Variants in TRMT44 observed in about 807,000 individuals in gnomAD.
TRMT44 encodes the protein probable tRNA (uracil-O(2)-)-methyltransferase.
Under a neutral mutation model 77.3 loss-of-function variants are expected in TRMT44, and 78 were observed. The observed-to-expected ratio is 1.01, with a 90% confidence interval of 0.84 to 1.22. The LOEUF (loss-of-function observed/expected upper bound fraction) is 1.22, where lower values mean the gene tolerates loss of function less well. TRMT44 is among the 50% of genes most tolerant of loss of function. The probability of loss-of-function intolerance (pLI) is 0.00; values close to 1 mark genes in which losing one functional copy is unlikely to be tolerated. For missense variants in TRMT44, 1,090 were observed against 964.4 expected (o/e 1.13, Z -1.73); for synonymous variants, 391 against 383.3 (o/e 1.02, Z -0.23).
chr4:8,460,386 T>C (rs1286697835), intron 6 of TRMT44, among the ~76,000 whole-genome samples: 1 of 152,174 alleles, frequency 6.6e-6, no homozygotes, highest in Admixed American at 6.5e-5. Flanking sequence ...GGAATGTAGG[T>C]ACTCCATGCA....
At chr4:8,450,734 C>G (rs1343420138) in intron 3 of TRMT44, among the ~76,000 whole-genome samples, 5 of 150,396 alleles carry the variant, frequency 3.3e-5, no homozygotes, top group African/African-American at 1.2e-4. Flanking sequence ...ACTTACTATT[C>G]TTCCTAGTTC....
At chr4:8,455,460 C>T (rs1560226835) in intron 6 of TRMT44, among the ~76,000 whole-genome samples, 1 of 152,202 alleles carries the variant, frequency 6.6e-6, no homozygotes, top group East Asian at 1.9e-4. Flanking sequence ...TGTGCAGTCC[C>T]ACGTAATTTC....
At chr4:8,497,288 G>A (rs75962431), downstream of TRMT44, among the ~76,000 whole-genome samples, 8,517 of 152,268 alleles carry the variant, frequency 0.056, 407 homozygotes, top group African/African-American at 0.13. Context: ...GCAGCTGCAA[G>A]TCCACAAGCT....
downstream of TRMT44, among the ~76,000 whole-genome samples, chr4:8,495,680 G>A (rs1254203099): frequency 1.3e-5 from 2 of 152,186 alleles, no homozygotes; most frequent in Non-Finnish European, 2.9e-5. Context: ...GGCAGCACCC[G>A]TGTCTCAGCG....
At chr4:8,445,580 C>A (rs1038458888) in intron 1 of TRMT44, among the ~76,000 whole-genome samples, 3 of 152,252 alleles carry the variant, frequency 2.0e-5, no homozygotes, top group Non-Finnish European at 4.4e-5. Context: ...ATGGCACACT[C>A]CCTGACCTCC....
chr4:8,469,293 G>A (rs964157965), intron 9 of TRMT44, among the ~76,000 whole-genome samples: 1 of 152,158 alleles, frequency 6.6e-6, no homozygotes, highest in African/African-American at 2.4e-5. Context: ...TGATGGGGCC[G>A]ACTAGCTGCA....
At chr4:8,475,453 A>C (rs1332368423) in intron 10 of TRMT44, among the ~76,000 whole-genome samples, 2 of 152,168 alleles carry the variant, frequency 1.3e-5, no homozygotes, top group Non-Finnish European at 2.9e-5. Context: ...GAATGTGGCC[A>C]GTCCTGGTGC....
intron 10 of TRMT44, among the ~76,000 whole-genome samples, chr4:8,475,161 C>T (rs539829678): frequency 5.3e-4 from 80 of 152,336 alleles, no homozygotes; most frequent in African/African-American, 1.8e-3. Context: ...CAGAGGCTGC[C>T]CTGCACCAGC....
chr4:8,446,674 G>C lies in TRMT44; in HGVS notation c.734+84G>C. ...AGCCAAAGGATTCTGGGTTGCCAGG[G>C]CTTAAGGTCCTGTCTCTGAGGTGGT... On this transcript the variant is annotated intron_variant, in intron 2 of 10. Coordinates refer to ENST00000389737, the MANE Select transcript of TRMT44 (RefSeq NM_152544.3). This position sits in a 1 kb window ranked among gnomAD's most constrained non-coding sequence, Gnocchi z 4.3. 1 of 915,220 alleles carries C rather than the reference G, an allele frequency of 1.1e-6. No homozygotes were observed. The highest frequency in any genetic ancestry group is 1.6e-6 in the Non-Finnish European group (1 of 607,544). 56.7% of individuals were successfully genotyped at this position (915,220 alleles called of 1,614,324 possible).
chr4:8,504,974 G>T, the TRMT44 span, among the ~76,000 whole-genome samples: 1 of 152,082 alleles, frequency 6.6e-6, no homozygotes, highest in Non-Finnish European at 1.5e-5. The surrounding 1 kb of genome is among the most constrained non-coding windows in gnomAD (Gnocchi z 5.3). Flanking sequence ...CTCACCTTCT[G>T]CTCTACCCAC....
At chr4:8,470,883 C>T (rs1726943404) in intron 9 of TRMT44, 1 of 506,480 alleles carries the variant, frequency 2.0e-6, no homozygotes, top group Admixed American at 3.0e-5. Flanking sequence ...CAGGCTGTGC[C>T]ACCTTAGCTG....
At chr4:8,469,126 G>A (rs114543619) in intron 9 of TRMT44, among the ~76,000 whole-genome samples, 4,192 of 152,316 alleles carry the variant, frequency 0.028, 69 homozygotes, top group South Asian at 0.04. Context: ...AATCATACCC[G>A]TTTCCTTCTT....
downstream of TRMT44, among the ~76,000 whole-genome samples, chr4:8,481,227 G>A (rs1348366062): frequency 6.6e-6 from 1 of 152,156 alleles, no homozygotes; most frequent in African/African-American, 2.4e-5. Context: ...TTCACTTGTA[G>A]CCTGGAAGCT....
rs138383736 is a variant in TRMT44, at chr4:8,471,089, C to G, written c.1933C>G (p.Leu645Val). ...AAAAACCCGTTTTTCCACAGAGAGC[C>G]TATCTCTGGCAGAAGTAGCCAACGA... ...SLKTWNGGES[L>V]SLAEVANELD... The change falls in exon 10 of 11, where the codon CTA (leucine) becomes GTA (valine). Residue 645 changes from leucine (L) to valine (V), a missense_variant. Transcript: ENST00000389737. 39 of 1,591,958 alleles carry G rather than the reference C, an allele frequency of 2.4e-5. No individual in the cohort carries two copies. The African/African-American group carries it at 4.4e-4, about 18-fold the overall frequency.
intron 6 of TRMT44, 172 bp downstream of exon 6, chr4:8,454,985 A>C: frequency 1.5e-6 from 1 of 647,752 alleles, no homozygotes; most frequent in South Asian, 2.0e-5. Flanking sequence ...ATGAAACTAG[A>C]CTTCACAGAA....
In TRMT44 at chr4:8,441,334, C is replaced by T. The variant is rs1236468167; in HGVS notation, c.512C>T (p.Ser171Leu). 1.3e-5 allele frequency: 20 copies of T among 1,535,416 alleles called. No homozygotes were observed. The highest frequency in any genetic ancestry group is 1.7e-5 in the Non-Finnish European group (20 of 1,146,562). Residue 171 changes from serine to leucine, a missense_variant, in exon 1 of 11, where the codon TCG becomes TTG. Physicochemically the swap from Ser to Leu is moderately radical, Grantham distance 145 (BLOSUM62 -2). Coordinates refer to ENST00000389737, the MANE Select transcript of TRMT44 (RefSeq NM_152544.3). The part of the protein sequence containing the change: ...LAFLTSSGAG[S>L]QPEAQRELDV... Reference sequence around the variant, plus strand: ...TTCCTCACCAGCTCCGGGGCGGGATCGCAGCCAGAGGCGCAGCGTGAGCTC... The same window carrying T: ...TTCCTCACCAGCTCCGGGGCGGGATTGCAGCCAGAGGCGCAGCGTGAGCTC...
chr4:8,499,927 A>G, the TRMT44 span, among the ~76,000 whole-genome samples: 5 of 152,170 alleles, frequency 3.3e-5, no homozygotes, highest in Middle Eastern at 3.2e-3. Flanking sequence ...AAAAGCCAAA[A>G]TAGAGAGAGA....
chr4:8,476,257 A>G lies in TRMT44; in HGVS notation c.*256A>G. ...CTTGAAACGTGCGCAGCATCTTCATATCATAAAGATTGTGCACGGATCCTT... is the reference window on the plus strand; with the variant it reads ...CTTGAAACGTGCGCAGCATCTTCATGTCATAAAGATTGTGCACGGATCCTT... On this transcript the variant is annotated 3_prime_UTR_variant, in exon 11 of 11. Transcript: ENST00000389737. The G allele has an allele frequency of 1.8e-6, 1 of 545,582 alleles. No homozygotes were observed. The highest frequency in any genetic ancestry group is 3.3e-6 in the Non-Finnish European group (1 of 303,556). The allele number at this position is 545,582 out of a possible 1,614,324, so 33.8% of individuals were successfully genotyped here.
At chr4:8,467,609 TA>T (rs1726676168) in intron 8 of TRMT44, among the ~76,000 whole-genome samples, 1 of 152,148 alleles carries the variant, frequency 6.6e-6, no homozygotes, top group Non-Finnish European at 1.5e-5. Context: ...GCCTCCTGAG[TA>T]GCTGGGACTA....
Sources: allele counts gnomAD v4.1 joint callset (sites outside exome capture counted in the v4.1 genomes callset), GRCh38; gene constraint gnomAD v4.1.1; non-coding constraint Gnocchi (gnomAD v3.1); transcripts MANE v1.5; gene names NCBI Gene and HGNC (gene_info 2026-07-23, HGNC 2026-07-21).